The following SLC15A1 variants were observed in gnomAD, a reference collection of about 807,000 sequenced individuals.
The protein encoded by SLC15A1 is solute carrier family 15 member 1, also known as Caco-2 oligopeptide transporter.
Under a neutral mutation model 92.9 loss-of-function variants are expected in SLC15A1, and 83 were observed. The observed-to-expected ratio is 0.89, with a 90% CI of 0.75 to 1.07. The LOEUF (loss-of-function observed/expected upper bound fraction) is 1.07. Ranked by LOEUF, SLC15A1 falls within the 50% of genes least tolerant of loss-of-function variation. The pLI, the probability that SLC15A1 is intolerant of heterozygous loss-of-function variation, is 0.00. For missense variants in SLC15A1, 857 were observed against 880.1 expected (o/e 0.97, Z 0.33); for synonymous variants, 322 against 318.2 (o/e 1.01, Z -0.13).
At chr13:98,732,444 T>C (rs909284519) in intron 1 of SLC15A1, among the ~76,000 whole-genome samples, 2 of 152,122 alleles carry the variant, frequency 1.3e-5, no homozygotes, top group African/African-American at 4.8e-5. Flanking sequence ...TACATTTATA[T>C]GATTACTGAC....
chr13:98,693,797 T>C (rs957051994), intron 18 of SLC15A1, among the ~76,000 whole-genome samples: 3 of 152,236 alleles, frequency 2.0e-5, no homozygotes, highest in Admixed American at 6.5e-5. Context: ...GTTTTGGTTA[T>C]GTGAAAGGAA....
chr13:98,701,571 C>T (rs1271423749), intron 18 of SLC15A1, among the ~76,000 whole-genome samples: 1 of 151,818 alleles, frequency 6.6e-6, no homozygotes, highest in Middle Eastern at 3.2e-3. Context: ...AGGATCATGG[C>T]TCACTGCAGC....
intron 9 of SLC15A1, among the ~76,000 whole-genome samples, chr13:98,715,325 C>T (rs763658705): frequency 3.3e-5 from 5 of 152,176 alleles, no homozygotes; most frequent in Non-Finnish European, 7.3e-5. Flanking sequence ...CAGGCACCCG[C>T]CACCATGCCT....
rs1025983275 is a variant in SLC15A1, at chr13:98,686,226, C to A, written c.1899G>T (p.Val633=). ...ACTGGCCTGCCCCTGCCACGATGAG[C>A]ACAATGATGTTGCCAACAGCCACGG... ...LLTVAVGNII[V]LIVAGAGQFS... The change falls in exon 22 of 23, where the codon GTG becomes GTT. Residue 633 remains valine (V), a synonymous_variant. Coordinates refer to ENST00000376503, the MANE Select transcript of SLC15A1 (RefSeq NM_005073.4). 1 of 1,613,734 alleles carries A rather than the reference C, an allele frequency of 6.2e-7. No individual in the cohort carries two copies. The highest frequency in any genetic ancestry group is 8.5e-7 in the Non-Finnish European group (1 of 1,179,954).
intron 4 of SLC15A1, among the ~76,000 whole-genome samples, chr13:98,725,904 TTGGTAGAGA>T (rs1421830679): frequency 1.3e-5 from 2 of 152,218 alleles, no homozygotes; most frequent in East Asian, 3.9e-4. Flanking sequence ...TTCTTTATTT[TTGGTAGAGA>T]TGGGTCTCAC....
Position 98,733,679 on chromosome 13 carries a change from C to A in SLC15A1, c.5-6820G>T, listed in dbSNP as rs1405057251. 4.6e-5 allele frequency among the ~76,000 whole-genome samples: 7 copies of A among 152,212 alleles called. 1 individual carries two copies. The highest frequency in any genetic ancestry group is 3.3e-4 in the Admixed American group (5 of 15,278). ...TTCTCAGTATTGCCCCTGCATCTAG[C>A]CAGTGGAAAGACATGGGCTTTTGGG... On this transcript the variant is annotated intron_variant, in intron 1 of 22. Transcript: ENST00000376503.
intron 17 of SLC15A1, among the ~76,000 whole-genome samples, chr13:98,702,900 C>T (rs191121625): frequency 7.6e-6 from 1 of 131,210 alleles, no homozygotes; most frequent in African/African-American, 2.9e-5. Context: ...TCTGGGAGGT[C>T]GAGGCTGCAG....
Position 98,683,917 on chromosome 13 carries a change from A to G in SLC15A1, c.*807T>C, listed in dbSNP as rs1261084931. ...AAACACAGGTAGGGACTAGAAAAAC[A>G]AAATAACAAAAACCCAAAGGTAAAG... On this transcript the variant is annotated 3_prime_UTR_variant, in exon 23 of 23. Coordinates refer to ENST00000376503, the MANE Select transcript of SLC15A1 (RefSeq NM_005073.4). 6.6e-6 allele frequency: 1 copy of G among 152,254 alleles called. No homozygotes were observed. The highest frequency in any genetic ancestry group is 1.5e-5 in the Non-Finnish European group (1 of 68,046). 9.4% of individuals were successfully genotyped at this position (152,254 alleles called of 1,614,324 possible). A position where few individuals can be genotyped will look rare whatever the true frequency, so the allele number is the denominator to read the frequency against.
At position 98,709,603 on chromosome 13, in the gene SLC15A1, G is replaced by A. The variant is rs768475153; in HGVS notation, c.1036C>T (p.Pro346Ser). The A allele has an allele frequency of 3.7e-6, 6 of 1,613,986 alleles. No individual in the cohort carries two copies. The highest frequency in any genetic ancestry group is 1.3e-5 in the African/African-American group (1 of 74,890). Residue 346 changes from proline to serine, a missense_variant, in exon 14 of 23, where the codon CCT becomes TCT. Transcript: ENST00000376503. The part of the protein sequence containing the change: ...MVPIFDAVLY[P>S]LIAKCGFNFT... ...TTGAAGCCACATTTTGCAATGAGAGGGTACAGCACAGCATCGAAGATCGGG... is the reference window on the plus strand; with the variant it reads ...TTGAAGCCACATTTTGCAATGAGAGAGTACAGCACAGCATCGAAGATCGGG...
At position 98,711,958 on chromosome 13, in the gene SLC15A1, G is replaced by C; in HGVS notation, c.811-15C>G. On this transcript the variant is annotated splice_polypyrimidine_tract_variant and intron_variant, in intron 10 of 22. Coordinates refer to ENST00000376503, the MANE Select transcript of SLC15A1 (RefSeq NM_005073.4). ...ATGAGCCGCTCCTGTAGTTGGAGTG[G>C]GGAAGGGACAAATCAGCCACACCCT... is the stretch of plus-strand genomic sequence containing the variant. 1 of 1,597,906 alleles carries C rather than the reference G, an allele frequency of 6.3e-7. No individual in the cohort carries two copies. Among genetic ancestry groups the C allele is most frequent in the Non-Finnish European group, 8.6e-7 (1 of 1,167,056 alleles).
Position 98,684,126 on chromosome 13 carries a change from T to C in SLC15A1, c.*598A>G, listed in dbSNP as rs4646234. The C allele has an allele frequency of 0.12, 18,179 of 152,266 alleles. 1,430 individuals carry two copies. The highest frequency in any genetic ancestry group is 0.43 in the East Asian group (2,240 of 5,172). The allele number at this position is 152,266 out of a possible 1,614,324, so 9.4% of individuals were successfully genotyped here. The stretch of plus-strand genomic sequence containing the variant: ...GTCCAAAATAACATCATTTGTGTGA[T>C]AGGGAAGATGACCAATGTGGGGTGG... On this transcript the variant is annotated 3_prime_UTR_variant, in exon 23 of 23. Coordinates refer to ENST00000376503, the MANE Select transcript of SLC15A1 (RefSeq NM_005073.4).
At chr13:98,710,103 C>T (rs766526882) in intron 11 of SLC15A1, among the ~76,000 whole-genome samples, 192 bp from the exon 12 acceptor site, 11 of 152,198 alleles carry the variant, frequency 7.2e-5, no homozygotes, top group Non-Finnish European at 1.2e-4. Context: ...GCATTTCTAG[C>T]GTACGAGTGA....
At chr13:98,719,707 AG>A (rs2088239797) in intron 7 of SLC15A1, among the ~76,000 whole-genome samples, 1 of 152,242 alleles carries the variant, frequency 6.6e-6, no homozygotes, top group Non-Finnish European at 1.5e-5. Flanking sequence ...CATGCCAATC[AG>A]GTAGCAATTC....
intron 1 of SLC15A1, among the ~76,000 whole-genome samples, chr13:98,747,155 C>A (rs1594013595): frequency 6.6e-6 from 1 of 152,312 alleles, no homozygotes; most frequent in Middle Eastern, 3.4e-3. Context: ...AAGAGTGACT[C>A]CCTGGTTCTT....
chr13:98,684,552 AAAAAAAAAAAAAAAAAG>A lies in SLC15A1; in HGVS notation c.*155_*171del. On this transcript the variant is annotated 3_prime_UTR_variant, in exon 23 of 23. Coordinates refer to ENST00000376503, the MANE Select transcript of SLC15A1 (RefSeq NM_005073.4). Reference sequence around the variant, plus strand: ...AAGAGCAAAACTCTGTCTCAAAAAAAAAAAAAAAAAAAAAAAGAAAAGAAAAAGAAAAAAGAAAATAG... The same window carrying A: ...AAGAGCAAAACTCTGTCTCAAAAAAAAAAAGAAAAAGAAAAAAGAAAATAG... The A allele has an allele frequency of 2.5e-6, 1 of 406,914 alleles. No individual in the cohort carries two copies. The highest frequency in any genetic ancestry group is 4.3e-6 in the Non-Finnish European group (1 of 230,218). The allele number at this position is 406,914 out of a possible 1,614,324, so 25.2% of individuals were successfully genotyped here. A position where few individuals can be genotyped will look rare whatever the true frequency, so the allele number is the denominator to read the frequency against.
rs142158580 is a variant in SLC15A1 at position 98,741,829 on chromosome 13, C to T, written c.4+10766G>A. Among the ~76,000 whole-genome samples the T allele has an allele frequency of 3.0e-3, 462 of 152,004 alleles. 4 individuals carry two copies. The highest frequency in any genetic ancestry group is 0.011 in the African/African-American group (442 of 41,432). On this transcript the variant is annotated intron_variant, in intron 1 of 22. Transcript: ENST00000376503. ...CCATAAACAAACAGGGCCATAAACA[C>T]AGAACATGCTGATGTGTGGTTTTTG... is the stretch of plus-strand genomic sequence containing the variant.
At chr13:98,693,878 C>T (rs538804858) in intron 18 of SLC15A1, among the ~76,000 whole-genome samples, 3 of 152,236 alleles carry the variant, frequency 2.0e-5, no homozygotes, top group Non-Finnish European at 4.4e-5. Flanking sequence ...TCACACAATA[C>T]TGGCTTCCCT....
At chr13:98,717,281 A>C (rs1378973110) in intron 8 of SLC15A1, among the ~76,000 whole-genome samples, 1 of 152,184 alleles carries the variant, frequency 6.6e-6, no homozygotes, top group Non-Finnish European at 1.5e-5. Context: ...GCCCAATGTC[A>C]ACATTTCTGA....
rs748766815 is a variant in SLC15A1 at position 98,704,343 on chromosome 13, G to A, written c.1362C>T (p.Phe454=). Residue 454 remains phenylalanine (F), a synonymous_variant, in exon 17 of 23, where the codon TTC becomes TTT. Transcript: ENST00000376503. Reference sequence around the variant, plus strand: ...GAAGCGTGTGGCGTTGGCCCTGCTTGAAGTCGTCAGTTACAGCAGTGACTG... The same window carrying A: ...GAAGCGTGTGGCGTTGGCCCTGCTTAAAGTCGTCAGTTACAGCAGTGACTG... The part of the protein sequence containing the change: ...GSPVTAVTDD[F]KQGQRHTLLV... 7.4e-6 allele frequency: 12 copies of A among 1,613,990 alleles called. No homozygotes were observed. In the South Asian group the frequency reaches 1.1e-4, roughly 15 times the overall value.
Sources: gnomAD v4.1 joint callset for allele counts (sites outside exome capture counted in the v4.1 genomes callset) on GRCh38, gnomAD v4.1.1 for gene constraint, MANE v1.5 for transcripts, NCBI Gene and HGNC (gene_info 2026-07-23, HGNC 2026-07-21) for gene names.